IL22RA1: variants seen among roughly 807,000 people sequenced by gnomAD.
IL22RA1 encodes the protein interleukin 22 receptor subunit alpha 1.
Under a neutral mutation model 32.8 loss-of-function variants are expected in IL22RA1, and 25 were observed. The observed-to-expected ratio is 0.76, with a 90% CI of 0.55 to 1.06. The LOEUF is 1.06. Among genes scored for constraint, IL22RA1 ranks in the 50% least tolerant of loss-of-function variants. The pLI, the probability that IL22RA1 is intolerant of heterozygous loss-of-function variation, is 0.00. For missense variants in IL22RA1, 709 were observed against 727.4 expected (o/e 0.97, Z 0.29); for synonymous variants, 305 against 305.0 (o/e 1.00, Z 0.00).
Position 24,131,245 on chromosome 1 carries a change from TTAGA to T in IL22RA1, c.531+2962_531+2965del, listed in dbSNP as rs574995054. On this transcript the variant is annotated intron_variant, in intron 4 of 6. Coordinates refer to ENST00000270800, the MANE Select transcript of IL22RA1 (RefSeq NM_021258.4). The stretch of plus-strand genomic sequence containing the variant: ...TTGAAGAAAGATTGATAAGGGAGAA[TTAGA>T]TAGTGGTGATGGTTTCACAACTTTG... 2.7e-3 allele frequency among the ~76,000 whole-genome samples: 408 copies of T among 152,228 alleles called. 1 individual carries two copies. Among genetic ancestry groups the T allele is most frequent in the African/African-American group, 9.5e-3 (394 of 41,532 alleles).
At chr1:24,139,595 G>A (rs370546782) in intron 1 of IL22RA1, among the ~76,000 whole-genome samples, 11 of 152,100 alleles carry the variant, frequency 7.2e-5, no homozygotes, top group South Asian at 2.1e-4. Flanking sequence ...GTGCAGTGGC[G>A]TGATCATGGC....
chr1:24,138,490 G>T, intron 2 of IL22RA1, 92 bp downstream of exon 2: 1 of 1,413,320 alleles, frequency 7.1e-7, no homozygotes, highest in Non-Finnish European at 9.9e-7. Flanking sequence ...GTCCTGGTGG[G>T]GACATGGGAA....
chr1:24,128,165 T>C lies in IL22RA1; in HGVS notation c.646A>G (p.Met216Val). The change falls in exon 5 of 7, where the codon ATG becomes GTG. Residue 216 changes from methionine (M) to valine (V), a missense_variant. Met to Val is a conservative substitution (Grantham distance 21). Transcript: ENST00000270800. ...PTWAKESAPY[M>V]CRVKTLPDRT... The stretch of plus-strand genomic sequence containing the variant: ...CCTGGCAGTGTCTTCACTCGGCACA[T>C]GTAGGGGGCACTCTCCTTGGCCCAG... 2 of 1,573,350 alleles carry C rather than the reference T, an allele frequency of 1.3e-6. No individual in the cohort carries two copies. Among genetic ancestry groups the C allele is most frequent in the Non-Finnish European group, 1.7e-6 (2 of 1,159,176 alleles).
chr1:24,123,726 C>T (rs1284781822), intron 5 of IL22RA1, among the ~76,000 whole-genome samples: 1 of 152,222 alleles, frequency 6.6e-6, no homozygotes, highest in Non-Finnish European at 1.5e-5. Context: ...TTGGACTTCT[C>T]TAGGTACTGT....
chr1:24,139,076 C>T (rs987727039), intron 1 of IL22RA1, among the ~76,000 whole-genome samples: 1 of 152,208 alleles, frequency 6.6e-6, no homozygotes, highest in African/African-American at 2.4e-5. Flanking sequence ...ACATTTTTAG[C>T]ACCCCAAAAA....
Position 24,121,613 on chromosome 1 carries a change from A to G in IL22RA1, c.917T>C (p.Val306Ala). The G allele has an allele frequency of 1.2e-6, 2 of 1,612,888 alleles. No homozygotes were observed. Among genetic ancestry groups the G allele is most frequent in the Non-Finnish European group, 1.7e-6 (2 of 1,179,258 alleles). ...AQPVQYSQIR[V>A]SGPREPAGAP... ...TCCTGCGGGCTCCCTGGGTCCAGACACCCTGATCTGGGAGTACTGGACAGG... is the reference window on the plus strand; with the variant it reads ...TCCTGCGGGCTCCCTGGGTCCAGACGCCCTGATCTGGGAGTACTGGACAGG... The change falls in exon 7 of 7, where the codon GTG (valine) becomes GCG (alanine). Residue 306 changes from valine (V) to alanine (A), a missense_variant. Val to Ala is a moderately conservative substitution (Grantham distance 64, BLOSUM62 0). Transcript: ENST00000270800.
At chr1:24,130,526 C>T (rs1038770325) in intron 4 of IL22RA1, among the ~76,000 whole-genome samples, 7 of 152,042 alleles carry the variant, frequency 4.6e-5, no homozygotes, top group Non-Finnish European at 8.8e-5. Context: ...CTACCAAAAC[C>T]GGATGAAACC....
At position 24,121,167 on chromosome 1, in the gene IL22RA1, T is replaced by C. The variant is rs142471602; in HGVS notation, c.1363A>G (p.Met455Val). 718 of 1,614,208 alleles carry C rather than the reference T, an allele frequency of 4.4e-4. 9 individuals carry two copies. The East Asian group carries it at 0.016, about 35-fold the overall frequency. Residue 455 changes from methionine to valine, a missense_variant, in exon 7 of 7, where the codon ATG becomes GTG. Transcript: ENST00000270800. ...GATTTTGCTTCTTGGGATTCCTCCA[T>C]AGCCAAGGAGGTCACCTCCTGCAGA... The part of the protein sequence containing the change: ...LSLQEVTSLA[M>V]EESQEAKSLH...
In IL22RA1 at chr1:24,134,390, G is replaced by T; in HGVS notation, c.356-4C>A. Reference sequence around the variant, plus strand: ...ACATCAGGTGGCTTGAGGGTAGCTGGGGATAGGGAGAGAGAAAAGAGAAAA... The same window carrying T: ...ACATCAGGTGGCTTGAGGGTAGCTGTGGATAGGGAGAGAGAAAAGAGAAAA... On this transcript the variant is annotated splice_region_variant and splice_polypyrimidine_tract_variant and intron_variant, in intron 3 of 6. Coordinates refer to ENST00000270800, the MANE Select transcript of IL22RA1 (RefSeq NM_021258.4). 6.8e-7 allele frequency: 1 copy of T among 1,480,450 alleles called. No individual in the cohort carries two copies. Among genetic ancestry groups the T allele is most frequent in the Non-Finnish European group, 9.0e-7 (1 of 1,108,714 alleles). The allele number at this position is 1,480,450 out of a possible 1,614,324, so 91.7% of individuals were successfully genotyped here. A position where few individuals can be genotyped will look rare whatever the true frequency, so the allele number is the denominator to read the frequency against.
intron 5 of IL22RA1, among the ~76,000 whole-genome samples, chr1:24,126,702 A>G (rs531751501): frequency 6.6e-6 from 1 of 152,342 alleles, no homozygotes; most frequent in East Asian, 1.9e-4. Context: ...CTGTTTTACC[A>G]AATCTATCAC....
rs189185148 is a variant in IL22RA1, at chr1:24,140,163, G to A, written c.44-1449C>T. 3.3e-4 allele frequency among the ~76,000 whole-genome samples: 51 copies of A among 152,290 alleles called. 3 individuals carry two copies. The highest frequency in any genetic ancestry group is 9.2e-4 in the Admixed American group (14 of 15,300). Reference sequence around the variant, plus strand: ...CCCTTCATTAAATCCTCACGACAACGTGCCCACTATCACTATCCCCATTTG... The same window carrying A: ...CCCTTCATTAAATCCTCACGACAACATGCCCACTATCACTATCCCCATTTG... On this transcript the variant is annotated intron_variant, in intron 1 of 6. Transcript: ENST00000270800.
At chr1:24,129,440 C>T (rs1200036225) in intron 4 of IL22RA1, among the ~76,000 whole-genome samples, 4 of 152,242 alleles carry the variant, frequency 2.6e-5, no homozygotes, top group Admixed American at 1.3e-4. Flanking sequence ...CCTCCTCTCT[C>T]TGGGGCTGGC....
chr1:24,123,229 G>A, intron 6 of IL22RA1, 73 bp downstream of exon 6: 1 of 1,532,944 alleles, frequency 6.5e-7, no homozygotes, highest in Non-Finnish European at 8.8e-7. Flanking sequence ...CCTGCATTTT[G>A]GGGACAACTG....
In IL22RA1 at chr1:24,121,321, A is replaced by G; in HGVS notation, c.1209T>C (p.Tyr403=). ...QATPDSWPPS[Y]GVCMEGSGKD... ...TGCCAGAACCTTCCATGCATACCCCATAGGAGGGAGGCCAGCTGTCCGGAG... is the reference window on the plus strand; with the variant it reads ...TGCCAGAACCTTCCATGCATACCCCGTAGGAGGGAGGCCAGCTGTCCGGAG... Residue 403 remains tyrosine (Y), a synonymous_variant, in exon 7 of 7, where the codon TAT becomes TAC. Coordinates refer to ENST00000270800, the MANE Select transcript of IL22RA1 (RefSeq NM_021258.4). 1 of 1,609,390 alleles carries G rather than the reference A, an allele frequency of 6.2e-7. No individual in the cohort carries two copies. The highest frequency in any genetic ancestry group is 8.5e-7 in the Non-Finnish European group (1 of 1,176,748).
intron 5 of IL22RA1, among the ~76,000 whole-genome samples, chr1:24,123,817 A>T (rs769665725): frequency 1.3e-5 from 2 of 151,684 alleles, no homozygotes; most frequent in Non-Finnish European, 2.9e-5. Flanking sequence ...GTTCCATCCC[A>T]CACTGCCAGG....
intron 5 of IL22RA1, among the ~76,000 whole-genome samples, chr1:24,127,839 C>T (rs1296486849): frequency 6.6e-6 from 1 of 152,038 alleles, no homozygotes; most frequent in Non-Finnish European, 1.5e-5. Flanking sequence ...GCAGATTTTC[C>T]CTCCAGTATA....
intron 1 of IL22RA1, among the ~76,000 whole-genome samples, chr1:24,139,114 C>G (rs1210602586): frequency 6.6e-6 from 1 of 152,220 alleles, no homozygotes; most frequent in Non-Finnish European, 1.5e-5. Flanking sequence ...AGCAGTCACT[C>G]CACCCATTCT....
At chr1:24,138,221 A>G (rs968658655) in intron 2 of IL22RA1, among the ~76,000 whole-genome samples, 52 of 152,192 alleles carry the variant, frequency 3.4e-4, no homozygotes, top group African/African-American at 1.3e-3. Context: ...ATAAATTTCC[A>G]GGCACAAGTG....
chr1:24,121,004 A>G lies in IL22RA1; in HGVS notation c.1526T>C (p.Met509Thr). 1.9e-6 allele frequency: 3 copies of G among 1,614,078 alleles called. No homozygotes were observed. Among genetic ancestry groups the G allele is most frequent in the Non-Finnish European group, 2.5e-6 (3 of 1,179,938 alleles). ...LSSVQIEGHP[M>T]SLPLQPPSRP... is the part of the protein sequence containing the mutation. ...GGAAGGAGGTTGCAAAGGGAGGGAC[A>G]TGGGGTGGCCCTCGATCTGGACTGA... Residue 509 changes from methionine (M) to threonine (T), a missense_variant, in exon 7 of 7, where the codon ATG becomes ACG. Transcript: ENST00000270800.
Sources: gnomAD v4.1 joint callset for allele counts (sites outside exome capture counted in the v4.1 genomes callset) on GRCh38, gnomAD v4.1.1 for gene constraint, MANE v1.5 for transcripts, NCBI Gene and HGNC (gene_info 2026-07-23, HGNC 2026-07-21) for gene names.